CYTH1: variants seen among roughly 807,000 people sequenced by gnomAD.
CYTH1 encodes the protein cytohesin 1.
A neutral mutation model predicts 61.8 loss-of-function variants in CYTH1; 18 were observed. The observed-to-expected ratio is 0.29, with a 90% CI of 0.20 to 0.43. The LOEUF is 0.43. CYTH1 is among the 20% of genes least tolerant of loss of function. CYTH1 has a pLI of 1.00. For synonymous variants in CYTH1, 174 were observed against 184.3 expected (o/e 0.94, Z 0.45); for missense variants, 336 against 510.5 (o/e 0.66, Z 3.29).
intron 1 of CYTH1, among the ~76,000 whole-genome samples, chr17:78,729,904 G>T (rs1446883848): frequency 6.6e-6 from 1 of 152,250 alleles, no homozygotes; most frequent in South Asian, 2.1e-4. Context: ...GAAAGAGAGT[G>T]GGGGAGGCCT....
chr17:78,697,928 G>T (rs1009051530), intron 9 of CYTH1, among the ~76,000 whole-genome samples: 16 of 152,188 alleles, frequency 1.1e-4, no homozygotes, highest in Admixed American at 3.9e-4. Flanking sequence ...AGACACATGT[G>T]GGCAATATTT....
At chr17:78,716,536 C>T (rs1356129785) in intron 1 of CYTH1, among the ~76,000 whole-genome samples, 2 of 152,156 alleles carry the variant, frequency 1.3e-5, no homozygotes, top group Non-Finnish European at 2.9e-5. Context: ...CCATTCCATA[C>T]TTACTAACTT....
chr17:78,735,745 T>C lies in CYTH1; in HGVS notation c.23-26013A>G, dbSNP rs1011454660. ...ACTTTCACAAAATCCACTTGAAACA[T>C]AGCCAGATATTTATTCCAAACTTAA... On this transcript the variant is annotated intron_variant, in intron 1 of 13. Transcript: ENST00000446868. 3.9e-5 allele frequency among the ~76,000 whole-genome samples: 6 copies of C among 152,206 alleles called. No individual in the cohort carries two copies. The South Asian group carries it at 6.2e-4, about 16-fold the overall frequency.
At chr17:78,718,533 T>A (rs1183353569) in intron 1 of CYTH1, among the ~76,000 whole-genome samples, 2 of 152,154 alleles carry the variant, frequency 1.3e-5, no homozygotes, top group African/African-American at 4.8e-5. Context: ...CAGCACTTAC[T>A]CGCCACATAC....
chr17:78,677,897 A>ACACT (rs2092718017), intron 13 of CYTH1: 1 of 152,276 alleles, frequency 6.6e-6, no homozygotes, highest in African/African-American at 2.4e-5. Flanking sequence ...TGCATGAGTC[A>ACACT]CACTGCTCAG....
At chr17:78,721,690 C>A (rs1321431715) in intron 1 of CYTH1, among the ~76,000 whole-genome samples, 2 of 152,198 alleles carry the variant, frequency 1.3e-5, no homozygotes, top group Non-Finnish European at 2.9e-5. Context: ...CCTCTTCCAG[C>A]CTCAGTTTCC....
chr17:78,701,655 C>G lies in CYTH1; in HGVS notation c.437+16G>C, dbSNP rs375030515. 2.5e-6 allele frequency: 4 copies of G among 1,613,820 alleles called. No homozygotes were observed. The highest frequency in any genetic ancestry group is 3.4e-6 in the Non-Finnish European group (4 of 1,179,816). On this transcript the variant is annotated intron_variant, in intron 6 of 13. Transcript: ENST00000446868. Reference sequence around the variant, plus strand: ...CTCCCACTCCTTCCAAAGGGGCTCACCTCAAGAATACTCACCGTAGTGCCT... The same window carrying G: ...CTCCCACTCCTTCCAAAGGGGCTCAGCTCAAGAATACTCACCGTAGTGCCT...
chr17:78,704,113 C>T (rs1176196548), intron 3 of CYTH1, among the ~76,000 whole-genome samples: 1 of 152,184 alleles, frequency 6.6e-6, no homozygotes, highest in Non-Finnish European at 1.5e-5. Context: ...GCATATCAGA[C>T]GTGAAGACGC....
At chr17:78,754,219 C>G (rs1321226216) in intron 1 of CYTH1, among the ~76,000 whole-genome samples, 3 of 152,220 alleles carry the variant, frequency 2.0e-5, no homozygotes, top group Non-Finnish European at 4.4e-5. Flanking sequence ...ACTGTCTTCT[C>G]TGATCTGCCA....
At chr17:78,780,773 G>A (rs370238063) in intron 1 of CYTH1, among the ~76,000 whole-genome samples, 3 of 152,134 alleles carry the variant, frequency 2.0e-5, no homozygotes, top group African/African-American at 4.8e-5. Context: ...TTGGGAGGCC[G>A]AGGCGGGTGG....
chr17:78,765,983 C>T (rs944405867), intron 1 of CYTH1, among the ~76,000 whole-genome samples: 8 of 148,294 alleles, frequency 5.4e-5, no homozygotes, highest in South Asian at 2.2e-4. Flanking sequence ...AGGCTGTGCA[C>T]GGTGGCTCAA....
At chr17:78,714,529 A>G (rs2093164623) in intron 1 of CYTH1, among the ~76,000 whole-genome samples, 1 of 152,200 alleles carries the variant, frequency 6.6e-6, no homozygotes, top group African/African-American at 2.4e-5. Flanking sequence ...GGCCTAGCAC[A>G]CTAAGGATTT....
rs1159169142 is a variant in CYTH1 at position 78,726,042 on chromosome 17, C to CTT, written c.23-16312_23-16311dup. ...TTTCTCAGACTCATAATTCAACAGT[C>CTT]TTTTTTTTTTTTTTTTTTTGAGACG... On this transcript the variant is annotated intron_variant, in intron 1 of 13. Transcript: ENST00000446868. Among the ~76,000 whole-genome samples, 617 of 130,716 alleles carry CTT rather than the reference C, an allele frequency of 4.7e-3. 8 individuals carry two copies. Among genetic ancestry groups the CTT allele is most frequent in the African/African-American group, 0.015 (499 of 33,780 alleles). The allele number at this position is 130,716 out of a possible 152,430, so 85.8% of individuals were successfully genotyped here. A position where few individuals can be genotyped will look rare whatever the true frequency, so the allele number is the denominator to read the frequency against.
At chr17:78,749,445 T>C (rs1011506620) in intron 1 of CYTH1, among the ~76,000 whole-genome samples, 1 of 151,938 alleles carries the variant, frequency 6.6e-6, no homozygotes, top group East Asian at 1.9e-4. Context: ...GGGTGACAGA[T>C]TGAGACTCCA....
At chr17:78,737,903 T>C (rs190185521) in intron 1 of CYTH1, among the ~76,000 whole-genome samples, 1 of 147,426 alleles carries the variant, frequency 6.8e-6, no homozygotes, top group Admixed American at 6.8e-5. Flanking sequence ...ACACACACGA[T>C]ATTTTATATG....
chr17:78,763,810 A>C lies in CYTH1; in HGVS notation c.22+18392T>G, dbSNP rs571641326. ...CTTAAAGAATTTATTTGCTACACTC[A>C]TCTTTCAAACATAGAATAGGCCAGG... On this transcript the variant is annotated intron_variant, in intron 1 of 13. Coordinates refer to ENST00000446868, the MANE Select transcript of CYTH1 (RefSeq NM_004762.6). 3.3e-5 allele frequency among the ~76,000 whole-genome samples: 5 copies of C among 152,304 alleles called. No homozygotes were observed. The South Asian group carries it at 1.0e-3, about 32-fold the overall frequency.
chr17:78,781,462 C>G (rs1278770777), intron 1 of CYTH1, among the ~76,000 whole-genome samples: 3 of 152,238 alleles, frequency 2.0e-5, no homozygotes, highest in Admixed American at 6.5e-5. Context: ...ACAGCGGCTC[C>G]GCTTGCCAAG....
chr17:78,708,030 T>C (rs1238474625), intron 3 of CYTH1, among the ~76,000 whole-genome samples, 167 bp downstream of exon 3: 6 of 152,180 alleles, frequency 3.9e-5, no homozygotes, highest in Non-Finnish European at 5.9e-5. Context: ...CAGGAGGCCT[T>C]GCGGTGAAGG....
rs1266180495 is a variant in CYTH1, at chr17:78,701,709, C to T, written c.399G>A (p.Leu133=). The change falls in exon 6 of 14, where the codon CTG becomes CTA. Residue 133 remains leucine (L), a synonymous_variant. Transcript: ENST00000446868. ...NIQVLHAFVE[L]HEFTDLNLVQ... ...CGAGATTAAGATCAGTGAACTCATG[C>T]AGCTCCACAAATGCATGAAGAACCT... is the stretch of plus-strand genomic sequence containing the variant. The T allele has an allele frequency of 6.2e-7, 1 of 1,614,194 alleles. No individual in the cohort carries two copies. Among genetic ancestry groups the T allele is most frequent in the Non-Finnish European group, 8.5e-7 (1 of 1,180,036 alleles).
Sources: gnomAD v4.1 joint callset for allele counts (sites outside exome capture counted in the v4.1 genomes callset) on GRCh38, gnomAD v4.1.1 for gene constraint, MANE v1.5 for transcripts, NCBI Gene and HGNC (gene_info 2026-07-23, HGNC 2026-07-21) for gene names.